The following EFHC2 variants were observed in gnomAD, a reference collection of about 807,000 sequenced individuals.
The protein encoded by EFHC2 is EF-hand domain containing 2.
In EFHC2, 18 loss-of-function variants were observed where a neutral mutation model predicts 52.7. The ratio of observed to expected loss-of-function variants is 0.34; its 90% CI spans 0.24 to 0.51. The LOEUF is 0.51. EFHC2 is among the 20% of genes least tolerant of loss of function. The pLI, the probability that EFHC2 is intolerant of heterozygous loss-of-function variation, is 0.97. For synonymous variants in EFHC2, 203 were observed against 204.1 expected (o/e 0.99, Z 0.04); for missense variants, 513 against 562.5 (o/e 0.91, Z 0.89).
intron 2 of EFHC2, among the ~76,000 whole-genome samples, chrX:44,282,733 TAACTATGTTTTTTAA>T (rs1338772043): frequency 1.1e-5 from 1 of 93,568 alleles, no homozygotes; most frequent in Non-Finnish European, 2.1e-5. Flanking sequence ...ACCACAGTCA[TAACTATGTTTTTTAA>T]AACTATGTTT....
intron 2 of EFHC2, among the ~76,000 whole-genome samples, chrX:44,286,571 A>G (rs1042309798): frequency 1.8e-5 from 2 of 111,101 alleles, no homozygotes; most frequent in Admixed American, 1.9e-4. Context: ...GAGTTTCCCA[A>G]TCTAAATCCC....
chrX:44,170,278 C>T (rs1439660074), intron 13 of EFHC2, among the ~76,000 whole-genome samples: 1 of 110,901 alleles, frequency 9.0e-6, no homozygotes, highest in Non-Finnish European at 1.9e-5. Flanking sequence ...AAATTCTGCC[C>T]GTAGCTTCCT....
In EFHC2 at chrX:44,155,506, G is replaced by A. The variant is rs376759362; in HGVS notation, c.2149-6610C>T. On this transcript the variant is annotated intron_variant, in intron 14 of 14. Transcript: ENST00000420999. ...GTTTAAAATTTTCTGCTGTAATACT[G>A]GCCACCAGATGCATGAGGGGAAAAG... 5.5e-4 allele frequency among the ~76,000 whole-genome samples: 62 copies of A among 111,943 alleles called. 1 individual carries two copies. In the South Asian group the frequency reaches 0.021, roughly 39 times the overall value.
chrX:44,280,226 T>G (rs1330924323), intron 2 of EFHC2, among the ~76,000 whole-genome samples: 1 of 110,499 alleles, frequency 9.0e-6, no homozygotes, highest in Non-Finnish European at 1.9e-5. Context: ...CAAACAGAAT[T>G]TAATAGTCTG....
chrX:44,155,638 C>T (rs997361722), intron 14 of EFHC2, among the ~76,000 whole-genome samples: 3 of 111,894 alleles, frequency 2.7e-5, no homozygotes, highest in African/African-American at 9.8e-5. Context: ...TGTTACTCCC[C>T]TCTATTCACT....
At chrX:44,331,805 T>C (rs866341647) in intron 1 of EFHC2, among the ~76,000 whole-genome samples, 1 of 110,556 alleles carries the variant, frequency 9.0e-6, no homozygotes, top group African/African-American at 3.3e-5. Flanking sequence ...GCACCTGTGG[T>C]CCCGGCTACT....
At chrX:44,278,992 C>T (rs897642084) in intron 2 of EFHC2, among the ~76,000 whole-genome samples, 11 of 111,704 alleles carry the variant, frequency 9.8e-5, no homozygotes, top group Non-Finnish European at 1.7e-4. Flanking sequence ...TCCTACTCTC[C>T]CCAGGTAATT....
intron 14 of EFHC2, among the ~76,000 whole-genome samples, chrX:44,152,574 T>C (rs899601337): frequency 1.8e-5 from 2 of 111,448 alleles, no homozygotes; most frequent in East Asian, 2.8e-4. Context: ...AACCACCAAC[T>C]GGCAGTATGA....
At chrX:44,178,001 C>T (rs935855668) in intron 12 of EFHC2, among the ~76,000 whole-genome samples, 7 of 108,213 alleles carry the variant, frequency 6.5e-5, no homozygotes, top group African/African-American at 2.0e-4. Flanking sequence ...TGCGGTGGTG[C>T]GAGCCTGTAG....
chrX:44,305,806 T>A (rs960605659), intron 2 of EFHC2, among the ~76,000 whole-genome samples: 1 of 112,522 alleles, frequency 8.9e-6, no homozygotes, highest in Non-Finnish European at 1.9e-5. Context: ...ATCTCTGTCA[T>A]GCTCACAAGA....
At chrX:44,294,246 C>T (rs1348358983) in intron 2 of EFHC2, among the ~76,000 whole-genome samples, 1 of 85,635 alleles carries the variant, frequency 1.2e-5, no homozygotes, top group East Asian at 3.8e-4. Context: ...TTGGTATACT[C>T]AACGTGTGTG....
chrX:44,163,532 GCGGATACC>G (rs1203812856), intron 14 of EFHC2, among the ~76,000 whole-genome samples: 1 of 111,888 alleles, frequency 8.9e-6, no homozygotes. Context: ...GTGCACAGCC[GCGGATACC>G]CGGATACCCT....
At chrX:44,307,047 G>A (rs1362020192) in intron 2 of EFHC2, among the ~76,000 whole-genome samples, 1 of 111,046 alleles carries the variant, frequency 9.0e-6, no homozygotes, top group East Asian at 2.8e-4. Flanking sequence ...TTAGGGGAAA[G>A]GGGCCAGTGT....
At chrX:44,325,896 CT>C (rs60938103) in intron 1 of EFHC2, among the ~76,000 whole-genome samples, 40,325 of 95,872 alleles carry the variant, frequency 0.42, 6,990 homozygotes, top group African/African-American at 0.52. Flanking sequence ...AAGCATTAAA[CT>C]TTTTTTTTTT....
At chrX:44,195,450 T>C (rs2036958082) in intron 11 of EFHC2, among the ~76,000 whole-genome samples, 1 of 110,738 alleles carries the variant, frequency 9.0e-6, no homozygotes, top group African/African-American at 3.3e-5. Flanking sequence ...TTTTGTTTTT[T>C]TGTTTTTTTG....
At chrX:44,232,167 T>A in intron 10 of EFHC2, among the ~76,000 whole-genome samples, 1 of 112,455 alleles carries the variant, frequency 8.9e-6, no homozygotes, top group East Asian at 2.8e-4. Flanking sequence ...TTGTTGAATT[T>A]CTTTCTGAAA....
At chrX:44,267,955 C>T (rs12388640) in intron 3 of EFHC2, among the ~76,000 whole-genome samples, 15,226 of 111,898 alleles carry the variant, frequency 0.14, 973 homozygotes, top group Admixed American at 0.26. Flanking sequence ...AGACTGGTTT[C>T]TCTCTAAACA....
At chrX:44,244,537 T>C (rs1184189342) in intron 7 of EFHC2, among the ~76,000 whole-genome samples, 6 of 112,618 alleles carry the variant, frequency 5.3e-5, no homozygotes, top group Admixed American at 1.9e-4. Flanking sequence ...CTTTTAATTA[T>C]CTGATTCCTC....
intron 1 of EFHC2, among the ~76,000 whole-genome samples, chrX:44,339,565 G>A (rs771571198): frequency 1.5e-4 from 17 of 111,290 alleles, no homozygotes; most frequent in African/African-American, 4.9e-4. Context: ...TCACCTAGCC[G>A]TGGACAGAAA....
Sources: allele counts gnomAD v4.1 joint callset (sites outside exome capture counted in the v4.1 genomes callset), GRCh38; gene constraint gnomAD v4.1.1; transcripts MANE v1.5; gene names NCBI Gene and HGNC (gene_info 2026-07-23, HGNC 2026-07-21).